Variants in MIB1 observed in about 807,000 individuals in gnomAD.
MIB1 encodes the protein MIB E3 ubiquitin protein ligase 1.
In MIB1, 278 loss-of-function variants were observed where a neutral mutation model predicts 124.5. The observed-to-expected ratio is 2.23, with a 90% CI of 2.02 to 2.47. The LOEUF (loss-of-function observed/expected upper bound fraction) is 2.47, where lower values mean the gene tolerates loss of function less well. Ranked by LOEUF, MIB1 falls within the 30% of genes most tolerant of loss-of-function variation. The pLI is 0.00. For missense variants in MIB1, 957 were observed against 1,254.4 expected (o/e 0.76, Z 3.58); for synonymous variants, 446 against 429.4 (o/e 1.04, Z -0.48).
chr18:21,722,346 G>A (rs993780839), intron 1 of MIB1, among the ~76,000 whole-genome samples: 11 of 150,974 alleles, frequency 7.3e-5, no homozygotes, highest in Non-Finnish European at 5.9e-5. Context: ...GAGCCACCAC[G>A]CCCGGCCCAG....
At chr18:21,748,730 C>CTT (rs557338460) in intron 1 of MIB1, among the ~76,000 whole-genome samples, 66 of 107,092 alleles carry the variant, frequency 6.2e-4, no homozygotes, top group African/African-American at 1.1e-3. Flanking sequence ...CATGCCCAGC[C>CTT]TTTTTTTTTT....
rs1568199052 is a variant in MIB1 at position 21,781,401 on chromosome 18, AT to A, written c.908+1717del. On this transcript the variant is annotated intron_variant, in intron 6 of 20. Transcript: ENST00000261537. ...TATATATATATATATATATATATAT[AT>A]ATATATATATATAAAATTATTATTA... 4.6e-3 allele frequency among the ~76,000 whole-genome samples: 363 copies of A among 79,232 alleles called. 5 individuals are homozygous for A. The highest frequency in any genetic ancestry group is 0.017 in the African/African-American group (317 of 18,580). 52.0% of individuals were successfully genotyped at this position (79,232 alleles called of 152,430 possible).
intron 9 of MIB1, 42 bp from the exon 10 acceptor site, chr18:21,803,865 A>C: frequency 4.4e-5 from 58 of 1,331,996 alleles, no homozygotes; most frequent in Non-Finnish European, 5.7e-5. Flanking sequence ...CCTGTTTCTG[A>C]TTATTCATTC....
At chr18:21,802,890 C>G (rs16946899) in intron 9 of MIB1, among the ~76,000 whole-genome samples, 2,461 of 152,250 alleles carry the variant, frequency 0.016, 63 homozygotes, top group African/African-American at 0.052. Context: ...TTCAAGTTTT[C>G]CTGTCTAGGG....
At chr18:21,758,194 A>G (rs1598595380) in intron 1 of MIB1, among the ~76,000 whole-genome samples, 3 of 152,228 alleles carry the variant, frequency 2.0e-5, no homozygotes, top group African/African-American at 4.8e-5. Flanking sequence ...AGTGGCTGGT[A>G]TTATTAATAA....
intron 6 of MIB1, among the ~76,000 whole-genome samples, chr18:21,787,145 A>G (rs192262819): frequency 6.6e-6 from 1 of 151,836 alleles, no homozygotes; most frequent in African/African-American, 2.4e-5. Context: ...CCTCCTTTTC[A>G]GAGCTAAATG....
At chr18:21,805,793 G>A (rs1025802187) in intron 10 of MIB1, among the ~76,000 whole-genome samples, 3 of 151,390 alleles carry the variant, frequency 2.0e-5, no homozygotes, top group South Asian at 4.2e-4. Context: ...ATATATTTGC[G>A]TTTCTAGAGA....
At chr18:21,859,485 A>G (rs1262426897) in intron 20 of MIB1, among the ~76,000 whole-genome samples, 2 of 151,918 alleles carry the variant, frequency 1.3e-5, no homozygotes, top group Non-Finnish European at 2.9e-5. Context: ...TAGAGTCTGG[A>G]TGCTCTGTTT....
rs879363278 is a variant in MIB1 at position 21,864,325 on chromosome 18, AT to A, written c.2881-200del. Among the ~76,000 whole-genome samples the A allele has an allele frequency of 0.012, 1,904 of 152,330 alleles. 18 individuals are homozygous for A. The highest frequency in any genetic ancestry group is 0.018 in the Non-Finnish European group (1,231 of 68,022). ...AATCTTATGTAGTACCTTTCATACT[AT>A]CCTGATAGTACAACCAGTGTTTCTA... On this transcript the variant is annotated intron_variant, in intron 20 of 20. Transcript: ENST00000261537.
At chr18:21,847,522 G>A (rs118064860) in intron 16 of MIB1, among the ~76,000 whole-genome samples, 2,436 of 152,066 alleles carry the variant, frequency 0.016, 38 homozygotes, top group East Asian at 0.069. Context: ...TTAAAAATAC[G>A]TCTTGCTGTG....
At chr18:21,833,394 T>G (rs1032975586) in intron 12 of MIB1, among the ~76,000 whole-genome samples, 3 of 152,234 alleles carry the variant, frequency 2.0e-5, no homozygotes, top group Non-Finnish European at 2.9e-5. Flanking sequence ...TATAGTAACC[T>G]GCTTTTAGCA....
chr18:21,724,727 A>AAAAT (rs1350936232), intron 1 of MIB1, among the ~76,000 whole-genome samples: 33 of 17,372 alleles, frequency 1.9e-3, no homozygotes, highest in Admixed American at 2.4e-3. Context: ...AAAAAAAAAA[A>AAAAT]ATATATATAT....
intron 6 of MIB1, among the ~76,000 whole-genome samples, chr18:21,782,108 C>G (rs1015656450): frequency 2.0e-4 from 30 of 151,958 alleles, no homozygotes; most frequent in African/African-American, 7.2e-4. Flanking sequence ...TTGAAATCTT[C>G]CTACTTTTTA....
rs2041200484 is a variant in MIB1, at chr18:21,769,394, A to G, written c.531+642A>G. 2.0e-5 allele frequency among the ~76,000 whole-genome samples: 3 copies of G among 152,334 alleles called. No homozygotes were observed. In the South Asian group the frequency reaches 6.2e-4, roughly 32 times the overall value. On this transcript the variant is annotated intron_variant, in intron 3 of 20. Transcript: ENST00000261537. ...ACTTGGGCAGTGTATCCACAGTTGA[A>G]TAAAAACGGTACAGTGGAAGTAGGG...
At chr18:21,815,056 T>TAA (rs61390661) in intron 10 of MIB1, among the ~76,000 whole-genome samples, 11 of 114,262 alleles carry the variant, frequency 9.6e-5, no homozygotes, top group South Asian at 5.4e-4. Context: ...TATATATATA[T>TAA]AAAATTATAT....
At chr18:21,747,953 G>A (rs1358717537) in intron 1 of MIB1, among the ~76,000 whole-genome samples, 1 of 152,156 alleles carries the variant, frequency 6.6e-6, no homozygotes, top group Non-Finnish European at 1.5e-5. Flanking sequence ...CCATTTTCTA[G>A]CAGAACCATG....
Position 21,754,516 on chromosome 18 carries a change from G to GTGT in MIB1, c.230-11254_230-11252dup, listed in dbSNP as rs536490880. 1.2e-3 allele frequency among the ~76,000 whole-genome samples: 189 copies of GTGT among 152,236 alleles called. 2 individuals are homozygous for GTGT. The highest frequency in any genetic ancestry group is 4.4e-3 in the African/African-American group (182 of 41,532). ...CAACTGTCATGGTATTGTGGGGCTC[G>GTGT]TGTTCACATAACCCTTACTTGACTT... On this transcript the variant is annotated intron_variant, in intron 1 of 20. Transcript: ENST00000261537.
chr18:21,861,301 TAAA>T (rs1471974425), intron 20 of MIB1, among the ~76,000 whole-genome samples: 3 of 151,934 alleles, frequency 2.0e-5, no homozygotes, highest in Non-Finnish European at 4.4e-5. Flanking sequence ...TAATATAAAA[TAAA>T]AACATTTTTA....
rs67786932 is a variant in MIB1, at chr18:21,793,781, C to CAAAAAAA, written c.1092+2249_1092+2255dup. On this transcript the variant is annotated intron_variant, in intron 7 of 20. Transcript: ENST00000261537. Reference sequence around the variant, plus strand: ...TGGGCAACAGAGTGAGACCCTGTCTCAAAAAAAAAAAAAAAAAAAAAAAAA... The same window carrying CAAAAAAA: ...TGGGCAACAGAGTGAGACCCTGTCTCAAAAAAAAAAAAAAAAAAAAAAAAAAAAAAAA... The CAAAAAAA allele has an allele frequency of 9.8e-4, 29 of 29,564 alleles. 1 individual carries two copies. The highest frequency in any genetic ancestry group is 2.1e-3 in the African/African-American group (23 of 11,032). 1.8% of individuals were successfully genotyped at this position (29,564 alleles called of 1,614,324 possible). A position where few individuals can be genotyped will look rare whatever the true frequency, so the allele number is the denominator to read the frequency against.
Sources: allele counts gnomAD v4.1 joint callset (sites outside exome capture counted in the v4.1 genomes callset), GRCh38; gene constraint gnomAD v4.1.1; transcripts MANE v1.5; gene names NCBI Gene and HGNC (gene_info 2026-07-23, HGNC 2026-07-21).